Variants in KCNMB2 observed in about 807,000 individuals in gnomAD.
KCNMB2 encodes the protein potassium calcium-activated channel subfamily M regulatory beta subunit 2.
Under a neutral mutation model 24.5 loss-of-function variants are expected in KCNMB2, and 9 were observed. The observed-to-expected ratio is 0.37, with a 90% confidence interval of 0.22 to 0.64. The LOEUF (loss-of-function observed/expected upper bound fraction) is 0.64. Among genes scored for constraint, KCNMB2 ranks in the 30% least tolerant of loss-of-function variants. The pLI, the probability that KCNMB2 is intolerant of heterozygous loss-of-function variation, is 0.63. For missense variants in KCNMB2, 226 were observed against 284.3 expected (o/e 0.79, Z 1.47); for synonymous variants, 109 against 104.4 (o/e 1.04, Z -0.27).
At chr3:178,767,427 A>G (rs1712168493) in intron 1 of KCNMB2, among the ~76,000 whole-genome samples, 1 of 152,184 alleles carries the variant, frequency 6.6e-6, no homozygotes, top group South Asian at 2.1e-4. Context: ...AATGGGAGGG[A>G]GAAGAATGGA....
intron 1 of KCNMB2, among the ~76,000 whole-genome samples, chr3:178,758,189 GATAT>G (rs367970683): frequency 1.1e-4 from 1 of 9,042 alleles, no homozygotes; most frequent in Non-Finnish European, 2.4e-4. Context: ...TATCCAAGGG[GATAT>G]ATATATATAT....
chr3:178,556,145 G>T (rs900801530), intron 1 of KCNMB2, among the ~76,000 whole-genome samples: 3 of 152,178 alleles, frequency 2.0e-5, no homozygotes, highest in African/African-American at 7.2e-5. Context: ...CAGAGAAGGG[G>T]TGAAATCAGT....
At chr3:178,750,456 T>C (rs1723806441) in intron 1 of KCNMB2, among the ~76,000 whole-genome samples, 1 of 152,168 alleles carries the variant, frequency 6.6e-6, no homozygotes, top group Admixed American at 6.5e-5. Context: ...TCTTCATTGA[T>C]AAGGGCAATA....
Position 178,757,384 on chromosome 3 carries a change from ATATATATATG to A in KCNMB2, c.-67-49949_-67-49940del, listed in dbSNP as rs1724128276. ...TATATATATATATATCCAAGAGGAT[ATATATATATG>A]TATATATATCCAAGAGGATATATAT... On this transcript the variant is annotated intron_variant, in intron 1 of 4. Coordinates refer to ENST00000452583, the MANE Select transcript of KCNMB2 (RefSeq NM_181361.3). 4.0e-5 allele frequency among the ~76,000 whole-genome samples: 3 copies of A among 75,006 alleles called. 1 individual carries two copies. Among genetic ancestry groups the A allele is most frequent in the African/African-American group, 1.7e-4 (3 of 17,792 alleles). 49.2% of individuals were successfully genotyped at this position (75,006 alleles called of 152,430 possible). A position where few individuals can be genotyped will look rare whatever the true frequency, so the allele number is the denominator to read the frequency against.
chr3:178,742,735 A>G lies in KCNMB2; in HGVS notation c.-67-64608A>G, dbSNP rs377266706. Among the ~76,000 whole-genome samples the G allele has an allele frequency of 3.5e-4, 54 of 152,294 alleles. 1 individual carries two copies. The South Asian group carries it at 0.011, about 31-fold the overall frequency. On this transcript the variant is annotated intron_variant, in intron 1 of 4. Transcript: ENST00000452583. ...CAGAAAAACGTACCTGTAGTACCAA[A>G]CATATGGCTGGGGATGGGGTAATCT...
chr3:178,782,287 G>A (rs1187952177), intron 1 of KCNMB2, among the ~76,000 whole-genome samples: 7 of 125,362 alleles, frequency 5.6e-5, no homozygotes, highest in Non-Finnish European at 8.4e-5. Flanking sequence ...ATGATTTATA[G>A]TCCTTTGGGT....
intron 1 of KCNMB2, among the ~76,000 whole-genome samples, chr3:178,652,821 C>A (rs1720179448): frequency 6.7e-6 from 1 of 148,636 alleles, no homozygotes; most frequent in African/African-American, 2.4e-5. Flanking sequence ...TGCCACCACG[C>A]CTGGCCATTT....
At chr3:178,721,769 T>G (rs916026126) in intron 1 of KCNMB2, among the ~76,000 whole-genome samples, 2 of 152,234 alleles carry the variant, frequency 1.3e-5, no homozygotes, top group Non-Finnish European at 2.9e-5. Context: ...GCTTTCGCCA[T>G]TTTAATCAAT....
rs1274403317 is a variant in KCNMB2 at position 178,708,321 on chromosome 3, A to G, written c.-67-99022A>G. Among the ~76,000 whole-genome samples, 3 of 152,094 alleles carry G rather than the reference A, an allele frequency of 2.0e-5. No homozygotes were observed. The East Asian group carries it at 5.8e-4, about 29-fold the overall frequency. ...AGTGGTGGTAATATGTAATAATGAT[A>G]ATGGTGATGGAAGCCAGCTTTCATG... On this transcript the variant is annotated intron_variant, in intron 1 of 4. Coordinates refer to ENST00000452583, the MANE Select transcript of KCNMB2 (RefSeq NM_181361.3).
At chr3:178,672,916 A>C (rs187320885) in intron 1 of KCNMB2, among the ~76,000 whole-genome samples, 25 of 152,244 alleles carry the variant, frequency 1.6e-4, no homozygotes, top group African/African-American at 6.0e-4. Flanking sequence ...CCTGTAATCT[A>C]AATTTGAAGC....
At chr3:178,635,297 C>A (rs1719477433) in intron 1 of KCNMB2, among the ~76,000 whole-genome samples, 1 of 152,062 alleles carries the variant, frequency 6.6e-6, no homozygotes, top group South Asian at 2.1e-4. Flanking sequence ...TTCTTCCTTG[C>A]CAGTAGGCTA....
intron 4 of KCNMB2, among the ~76,000 whole-genome samples, chr3:178,837,411 C>A (rs1715273514): frequency 6.6e-6 from 1 of 152,162 alleles, no homozygotes; most frequent in Non-Finnish European, 1.5e-5. Context: ...TACAGTCACA[C>A]AGTAACCAGA....
chr3:178,551,786 C>T (rs758258343), intron 1 of KCNMB2, among the ~76,000 whole-genome samples: 5 of 152,212 alleles, frequency 3.3e-5, no homozygotes, highest in Non-Finnish European at 5.9e-5. Flanking sequence ...AGAAATCTCT[C>T]GCTCAGAAAG....
intron 1 of KCNMB2, among the ~76,000 whole-genome samples, chr3:178,732,056 A>G (rs550022382): frequency 1.3e-5 from 2 of 152,356 alleles, no homozygotes; most frequent in East Asian, 3.9e-4. Flanking sequence ...CAAGGATTGC[A>G]AGGTAAAAAC....
At chr3:178,710,162 G>C (rs1188957625) in intron 1 of KCNMB2, among the ~76,000 whole-genome samples, 1 of 151,944 alleles carries the variant, frequency 6.6e-6, no homozygotes. Context: ...TTAATATAAA[G>C]TTTTATTTTT....
intron 1 of KCNMB2, among the ~76,000 whole-genome samples, chr3:178,617,745 G>T (rs763955963): frequency 2.0e-5 from 3 of 151,560 alleles, no homozygotes; most frequent in Admixed American, 2.0e-4. Context: ...AAAAAAATTA[G>T]CTGAGTGTGG....
At chr3:178,773,770 A>T (rs937379203) in intron 1 of KCNMB2, among the ~76,000 whole-genome samples, 56 of 152,180 alleles carry the variant, frequency 3.7e-4, no homozygotes, top group African/African-American at 1.3e-3. Context: ...GCCAGTTCTC[A>T]TTTACAGACA....
chr3:178,652,668 T>TTC (rs1553827948), intron 1 of KCNMB2, among the ~76,000 whole-genome samples: 3 of 151,056 alleles, frequency 2.0e-5, no homozygotes, highest in Non-Finnish European at 4.4e-5. Context: ...TATATACTTT[T>TTC]TTTTTTTTTT....
At chr3:178,726,610 A>G (rs911371418) in intron 1 of KCNMB2, among the ~76,000 whole-genome samples, 1 of 151,888 alleles carries the variant, frequency 6.6e-6, no homozygotes, top group African/African-American at 2.4e-5. Flanking sequence ...TTTTAGATAT[A>G]CACTGCATCT....
Sources: gnomAD v4.1 joint callset for allele counts (sites outside exome capture counted in the v4.1 genomes callset) on GRCh38, gnomAD v4.1.1 for gene constraint, MANE v1.5 for transcripts, NCBI Gene and HGNC (gene_info 2026-07-23, HGNC 2026-07-21) for gene names.